ZCCHC17: variants seen among roughly 807,000 people sequenced by gnomAD.
ZCCHC17 encodes zinc finger CCHC domain-containing protein 17.
ZCCHC17 carries 18 observed loss-of-function variants against 30.6 expected under a neutral mutation model. The ratio of observed to expected loss-of-function variants is 0.59; its 90% CI spans 0.41 to 0.87. The LOEUF is 0.87. ZCCHC17 is among the 40% of genes least tolerant of loss of function. The pLI is 0.00. For synonymous variants in ZCCHC17, 88 were observed against 92.4 expected, an observed-to-expected ratio of 0.95 and a Z score of 0.27; for missense variants, 263 against 284.2, an observed-to-expected ratio of 0.93 and a Z score of 0.54.
At chr1:31,358,368 G>T (rs1639728194) in intron 7 of ZCCHC17, among the ~76,000 whole-genome samples, 1 of 152,222 alleles carries the variant, frequency 6.6e-6, no homozygotes, top group South Asian at 2.1e-4. Flanking sequence ...GGAATGACAT[G>T]ATCTGACTTC....
chr1:31,323,421 A>G (rs1239622134), intron 3 of ZCCHC17, among the ~76,000 whole-genome samples: 2 of 151,926 alleles, frequency 1.3e-5, no homozygotes, highest in Non-Finnish European at 2.9e-5. Context: ...TCCTGGGTTC[A>G]CGCCATTCTC....
chr1:31,345,153 T>C (rs1202284996), intron 5 of ZCCHC17, among the ~76,000 whole-genome samples: 1 of 60,620 alleles, frequency 1.6e-5, no homozygotes, highest in Non-Finnish European at 8.2e-5. Flanking sequence ...ATGTTCTGTT[T>C]GTTTGTTTGT....
intron 7 of ZCCHC17, among the ~76,000 whole-genome samples, chr1:31,359,912 G>GAA (rs1208903386): frequency 6.6e-6 from 1 of 151,914 alleles, no homozygotes. Context: ...TGAGAGAGCA[G>GAA]AAGCTTGGTT....
intron 2 of ZCCHC17, among the ~76,000 whole-genome samples, chr1:31,312,363 C>G (rs1229481993): frequency 6.6e-6 from 1 of 152,136 alleles, no homozygotes; most frequent in Non-Finnish European, 1.5e-5. Flanking sequence ...ATATCTCAGT[C>G]TTAGGTGGAT....
chr1:31,322,748 A>C (rs1646889789), intron 3 of ZCCHC17, among the ~76,000 whole-genome samples: 4 of 148,760 alleles, frequency 2.7e-5, no homozygotes, highest in Admixed American at 2.7e-4. Flanking sequence ...TTGAGAGGGA[A>C]TCTAGCTCTG....
At chr1:31,312,494 T>C (rs1646629538) in intron 2 of ZCCHC17, among the ~76,000 whole-genome samples, 7 of 14,832 alleles carry the variant, frequency 4.7e-4, no homozygotes. Context: ...ATCGGGATTC[T>C]AGTCCCAGCT....
chr1:31,334,200 G>C (rs923501334), intron 3 of ZCCHC17, among the ~76,000 whole-genome samples: 2 of 152,046 alleles, frequency 1.3e-5, no homozygotes, highest in Non-Finnish European at 2.9e-5. Flanking sequence ...TAGGTATGTG[G>C]GATGTAGTGA....
At chr1:31,361,786 A>ATTATTAAT (rs1639907986) in intron 7 of ZCCHC17, among the ~76,000 whole-genome samples, 1 of 145,814 alleles carries the variant, frequency 6.9e-6, no homozygotes, top group Admixed American at 6.9e-5. Flanking sequence ...AGAGGGGGAG[A>ATTATTAAT]TTATTTATTT....
At chr1:31,339,488 A>G (rs1638953490) in intron 5 of ZCCHC17, among the ~76,000 whole-genome samples, 1 of 152,196 alleles carries the variant, frequency 6.6e-6, no homozygotes, top group Non-Finnish European at 1.5e-5. Flanking sequence ...AGCCTGGATG[A>G]CAGAGTGAGA....
intron 3 of ZCCHC17, chr1:31,336,971 G>A (rs1638843651): frequency 2.3e-6 from 1 of 427,450 alleles, no homozygotes; most frequent in East Asian, 4.5e-5. Flanking sequence ...ACTGTGCCCG[G>A]CCACTTTGAG....
intron 1 of ZCCHC17, among the ~76,000 whole-genome samples, chr1:31,307,585 T>G (rs937035533): frequency 6.6e-6 from 1 of 151,506 alleles, no homozygotes; most frequent in African/African-American, 2.4e-5. Flanking sequence ...TGTTGTTTTT[T>G]TTTTTTTGGA....
At chr1:31,301,994 G>A (rs1296777462) in intron 1 of ZCCHC17, among the ~76,000 whole-genome samples, 3 of 152,130 alleles carry the variant, frequency 2.0e-5, no homozygotes, top group African/African-American at 7.2e-5. Context: ...TTGGGAGGCC[G>A]AGGCGAGCAG....
intron 1 of ZCCHC17, among the ~76,000 whole-genome samples, chr1:31,307,320 G>C (rs1357819840): frequency 6.6e-6 from 1 of 151,966 alleles, no homozygotes; most frequent in Admixed American, 6.6e-5. Flanking sequence ...TTCTACAAGA[G>C]GTATAAATCT....
At chr1:31,351,532 G>A (rs1356094237) in intron 7 of ZCCHC17, among the ~76,000 whole-genome samples, 2 of 151,796 alleles carry the variant, frequency 1.3e-5, no homozygotes, top group Non-Finnish European at 1.5e-5. Context: ...CCCAAGTCCA[G>A]GAGTTTGAGA....
intron 3 of ZCCHC17, among the ~76,000 whole-genome samples, chr1:31,325,631 C>T (rs944518157): frequency 2.0e-5 from 3 of 152,216 alleles, no homozygotes; most frequent in Admixed American, 6.5e-5. Flanking sequence ...CTCGCCACTC[C>T]GAGCCTGGCT....
At chr1:31,318,154 C>T (rs1253600064) in intron 2 of ZCCHC17, 2 of 1,530,916 alleles carry the variant, frequency 1.3e-6, no homozygotes, top group Non-Finnish European at 1.7e-6. Flanking sequence ...TTTATTTACT[C>T]CCCTTGTTTT....
At chr1:31,325,620 C>T (rs2148436901) in intron 3 of ZCCHC17, among the ~76,000 whole-genome samples, 1 of 152,348 alleles carries the variant, frequency 6.6e-6, no homozygotes, top group South Asian at 2.1e-4. Context: ...CTCATGCATC[C>T]CTCGCCACTC....
At chr1:31,328,054 C>G (rs1161296770) in intron 3 of ZCCHC17, among the ~76,000 whole-genome samples, 1 of 152,164 alleles carries the variant, frequency 6.6e-6, no homozygotes. Context: ...AAGATCTACC[C>G]TAAGAATGAA....
At chr1:31,346,511 C>G in intron 5 of ZCCHC17, 129 bp from the exon 6 acceptor site, 1 of 1,047,454 alleles carries the variant, frequency 9.5e-7, no homozygotes, top group Non-Finnish European at 1.3e-6. Flanking sequence ...CTGTCTCGTT[C>G]TGTCAAAAAC....
Sources: gnomAD v4.1 joint callset for allele counts (sites outside exome capture counted in the v4.1 genomes callset) on GRCh38, gnomAD v4.1.1 for gene constraint, MANE v1.5 for transcripts, NCBI Gene and HGNC (gene_info 2026-07-23, HGNC 2026-07-21) for gene names.